CSMD1: variants seen among roughly 807,000 people sequenced by gnomAD.
CSMD1 encodes the protein CUB and Sushi multiple domains 1, also known as CUB and sushi domain-containing protein 1.
Under a neutral mutation model 417.5 loss-of-function variants are expected in CSMD1, and 213 were observed. The ratio of observed to expected loss-of-function variants is 0.51; its 90% CI spans 0.46 to 0.57. The LOEUF is 0.57. CSMD1 is among the 20% of genes least tolerant of loss of function. The probability of loss-of-function intolerance (pLI) is 0.00; values close to 1 mark genes in which losing one functional copy is unlikely to be tolerated. For missense variants in CSMD1, 6,923 were observed against 4,529.7 expected (o/e 1.53, Z -15.17); for synonymous variants, 2,862 against 1,736.8 (o/e 1.65, Z -16.11).
rs113966698 is a variant in CSMD1 at position 4,764,904 on chromosome 8, CA to C, written c.86-127347del. Among the ~76,000 whole-genome samples the C allele has an allele frequency of 7.6e-4, 93 of 122,622 alleles. 3 individuals are homozygous for C. The highest frequency in any genetic ancestry group is 2.9e-3 in the African/African-American group (90 of 31,336). The allele number at this position is 122,622 out of a possible 152,430, so 80.4% of individuals were successfully genotyped here. A position where few individuals can be genotyped will look rare whatever the true frequency, so the allele number is the denominator to read the frequency against. On this transcript the variant is annotated intron_variant, in intron 1 of 69. Coordinates refer to ENST00000635120, the MANE Select transcript of CSMD1 (RefSeq NM_033225.6). Reference sequence around the variant, plus strand: ...AAAAAAAAAAAAAAAACAACAACAACAAAAAAAAACCTTTGCTGAGGATGGT... The same window carrying C: ...AAAAAAAAAAAAAAAACAACAACAACAAAAAAAACCTTTGCTGAGGATGGT...
intron 21 of CSMD1, among the ~76,000 whole-genome samples, chr8:3,349,904 T>C (rs10105466): frequency 1.1e-5 from 1 of 92,362 alleles, no homozygotes; most frequent in Admixed American, 1.5e-4. Flanking sequence ...TAATATATAT[T>C]TATATATATT....
chr8:3,361,651 C>CAAAAA (rs765648287), intron 20 of CSMD1, among the ~76,000 whole-genome samples: 476 of 76,742 alleles, frequency 6.2e-3, no homozygotes, highest in Non-Finnish European at 7.0e-3. Flanking sequence ...GATTCCATCT[C>CAAAAA]AAAAAAAAAA....
chr8:4,455,949 A>AAAAAAAAAAAAAAAAAAAAAAG (rs1799445990), intron 2 of CSMD1, among the ~76,000 whole-genome samples: 1 of 141,298 alleles, frequency 7.1e-6, no homozygotes, highest in Non-Finnish European at 1.5e-5. Context: ...AAAAAAAAAA[A>AAAAAAAAAAAAAAAAAAAAAAG]AAAAAAAAAA....
At chr8:3,501,554 G>T (rs192958232) in intron 10 of CSMD1, among the ~76,000 whole-genome samples, 1 of 152,148 alleles carries the variant, frequency 6.6e-6, no homozygotes, top group Admixed American at 6.5e-5. Flanking sequence ...ATAACTGTAG[G>T]TTTGAAATTA....
chr8:4,183,516 G>C lies in CSMD1; in HGVS notation c.416-151417C>G, dbSNP rs1324190830. On this transcript the variant is annotated intron_variant, in intron 3 of 69. Transcript: ENST00000635120. Reference sequence around the variant, plus strand: ...TGCTTTTTCTCTTCTATCATGCACAGACATTACTGGTTTATTTGTAATATG... The same window carrying C: ...TGCTTTTTCTCTTCTATCATGCACACACATTACTGGTTTATTTGTAATATG... Among the ~76,000 whole-genome samples the C allele has an allele frequency of 2.0e-5, 3 of 152,256 alleles. No homozygotes were observed. The East Asian group carries it at 5.8e-4, about 29-fold the overall frequency.
chr8:4,256,196 T>C (rs556413131), intron 3 of CSMD1, among the ~76,000 whole-genome samples: 44 of 152,342 alleles, frequency 2.9e-4, no homozygotes, highest in African/African-American at 1.0e-3. Context: ...TTGTTTGTGA[T>C]TTGTCCTTAC....
intron 1 of CSMD1, among the ~76,000 whole-genome samples, chr8:4,778,543 T>C (rs1278975523): frequency 3.9e-5 from 6 of 152,206 alleles, no homozygotes; most frequent in Non-Finnish European, 8.8e-5. Context: ...CATAACTTTA[T>C]AGATCAATAC....
At chr8:4,543,345 C>A (rs1275886737) in intron 2 of CSMD1, among the ~76,000 whole-genome samples, 1 of 152,104 alleles carries the variant, frequency 6.6e-6, no homozygotes, top group African/African-American at 2.4e-5. Context: ...CTTTTAGCGT[C>A]CCCATAGTTC....
intron 12 of CSMD1, among the ~76,000 whole-genome samples, chr8:3,425,197 G>A (rs544843889): frequency 2.2e-4 from 33 of 152,098 alleles, no homozygotes; most frequent in Non-Finnish European, 3.1e-4. Context: ...GAGTATGTAC[G>A]CATAGAGAAA....
chr8:3,839,412 A>AATATATAT (rs1802951665), intron 5 of CSMD1, among the ~76,000 whole-genome samples: 1 of 59,794 alleles, frequency 1.7e-5, no homozygotes, highest in Admixed American at 2.8e-4. Flanking sequence ...ATATAATAAA[A>AATATATAT]AATAAATATA....
intron 3 of CSMD1, among the ~76,000 whole-genome samples, chr8:4,264,809 G>A (rs991694410): frequency 7.2e-5 from 11 of 152,236 alleles, no homozygotes; most frequent in African/African-American, 2.6e-4. Flanking sequence ...AATTCTTCTT[G>A]TTGTGCCTCA....
chr8:4,592,400 T>C (rs917635875), intron 2 of CSMD1, among the ~76,000 whole-genome samples: 5 of 152,040 alleles, frequency 3.3e-5, no homozygotes, highest in African/African-American at 1.2e-4. Context: ...CGCTTTGTTG[T>C]TTTTGAGGTG....
intron 57 of CSMD1, among the ~76,000 whole-genome samples, chr8:2,970,634 G>C (rs552710011): frequency 1.5e-3 from 224 of 152,174 alleles, no homozygotes; most frequent in Non-Finnish European, 2.1e-3. Flanking sequence ...TGATCTTTCA[G>C]CCTCTCTGTT....
Position 4,021,556 on chromosome 8 carries a change from G to A in CSMD1, c.610+10349C>T, listed in dbSNP as rs189742287. 2.0e-5 allele frequency among the ~76,000 whole-genome samples: 3 copies of A among 152,258 alleles called. No homozygotes were observed. The East Asian group carries it at 5.8e-4, about 29-fold the overall frequency. Reference sequence around the variant, plus strand: ...AGCAAGGATCAGCTCCTTCTGAGCAGGTGCACCTGGGATCATCCTCATGCT... The same window carrying A: ...AGCAAGGATCAGCTCCTTCTGAGCAAGTGCACCTGGGATCATCCTCATGCT... On this transcript the variant is annotated intron_variant, in intron 4 of 69. Coordinates refer to ENST00000635120, the MANE Select transcript of CSMD1 (RefSeq NM_033225.6).
At position 3,411,693 on chromosome 8, in the gene CSMD1, CACACGTATATAT is replaced by C. The variant is rs1254822640; in HGVS notation, c.1562-2100_1562-2089del. ...ACGTGTATATATACGTGTATATATA[CACACGTATATAT>C]ACACGTATATATACACGTACATATA... On this transcript the variant is annotated intron_variant, in intron 12 of 69. Transcript: ENST00000635120. Among the ~76,000 whole-genome samples, 176 of 128,924 alleles carry C rather than the reference CACACGTATATAT, an allele frequency of 1.4e-3. 4 individuals are homozygous for C. In the South Asian group the frequency reaches 0.024, roughly 17 times the overall value. The allele number at this position is 128,924 out of a possible 152,430, so 84.6% of individuals were successfully genotyped here.
chr8:4,450,747 C>T (rs559448507), intron 2 of CSMD1, among the ~76,000 whole-genome samples: 8 of 152,276 alleles, frequency 5.3e-5, no homozygotes, highest in African/African-American at 1.9e-4. Context: ...AGCAACAAAA[C>T]AGCGGTCTCT....
chr8:4,145,730 C>G (rs1344682021), intron 3 of CSMD1, among the ~76,000 whole-genome samples: 3 of 150,928 alleles, frequency 2.0e-5, no homozygotes, highest in Admixed American at 2.0e-4. Context: ...TTTGACTTGT[C>G]CCAAGGAACC....
Position 4,417,786 on chromosome 8 carries a change from A to C in CSMD1, c.415+2167T>G, listed in dbSNP as rs1239073794. On this transcript the variant is annotated intron_variant, in intron 3 of 69. Coordinates refer to ENST00000635120, the MANE Select transcript of CSMD1 (RefSeq NM_033225.6). Reference sequence around the variant, plus strand: ...TAATTATTATCATTAATTCTACTTCATATACATATATATACATGTACAAAT... The same window carrying C: ...TAATTATTATCATTAATTCTACTTCCTATACATATATATACATGTACAAAT... Among the ~76,000 whole-genome samples, 4 of 152,010 alleles carry C rather than the reference A, an allele frequency of 2.6e-5. No homozygotes were observed. The South Asian group carries it at 8.3e-4, about 32-fold the overall frequency.
chr8:3,431,481 T>C (rs17066101), intron 12 of CSMD1, among the ~76,000 whole-genome samples: 5,694 of 152,226 alleles, frequency 0.037, 318 homozygotes, highest in East Asian at 0.21. Context: ...CTGGTATTCA[T>C]CTTGCCGCCT....
Sources: allele counts gnomAD v4.1 joint callset (sites outside exome capture counted in the v4.1 genomes callset), GRCh38; gene constraint gnomAD v4.1.1; transcripts MANE v1.5; gene names NCBI Gene and HGNC (gene_info 2026-07-23, HGNC 2026-07-21).